Variants in PTCD2 observed in about 807,000 individuals in gnomAD.
PTCD2 encodes the protein pentatricopeptide repeat domain 2, also known as pentatricopeptide repeat-containing protein 2, mitochondrial.
Under a neutral mutation model 42.6 loss-of-function variants are expected in PTCD2, and 31 were observed. The observed-to-expected ratio is 0.73, with a 90% CI of 0.55 to 0.98. PTCD2 has a LOEUF of 0.98. Ranked by LOEUF, PTCD2 falls within the 50% of genes least tolerant of loss-of-function variation. The probability of loss-of-function intolerance (pLI) is 0.00; values close to 1 mark genes in which losing one functional copy is unlikely to be tolerated. For synonymous variants in PTCD2, 183 were observed against 170.9 expected, an observed-to-expected ratio of 1.07 and a Z score of -0.55; for missense variants, 476 against 454.8, an observed-to-expected ratio of 1.05 and a Z score of -0.42.
intron 9 of PTCD2, among the ~76,000 whole-genome samples, chr5:72,353,818 T>A (rs998609485): frequency 3.9e-5 from 6 of 152,214 alleles, no homozygotes; most frequent in Non-Finnish European, 5.9e-5. Flanking sequence ...TACAGTTGTA[T>A]ATATTCTTAT....
chr5:72,357,736 T>A (rs1482738805), intron 9 of PTCD2, among the ~76,000 whole-genome samples: 1 of 152,186 alleles, frequency 6.6e-6, no homozygotes, highest in East Asian at 1.9e-4. Flanking sequence ...TAGGTATGAT[T>A]TTCAAGTACT....
chr5:72,359,952 C>T lies in PTCD2; in HGVS notation c.*1525C>T, dbSNP rs560440904. On this transcript the variant is annotated 3_prime_UTR_variant, in exon 10 of 10. Transcript: ENST00000380639. ...GGTAAATGGGGATAATGGTACCGAC[C>T]TCTTAGGCTTGGTGTGAGGATGAAA... 1.3e-5 allele frequency: 2 copies of T among 151,942 alleles called. No individual in the cohort carries two copies. The highest frequency in any genetic ancestry group is 1.9e-4 in the East Asian group (1 of 5,158). 9.4% of individuals were successfully genotyped at this position (151,942 alleles called of 1,614,324 possible).
intron 2 of PTCD2, among the ~76,000 whole-genome samples, chr5:72,324,382 C>T (rs1216619611): frequency 6.6e-6 from 1 of 152,232 alleles, no homozygotes; most frequent in Non-Finnish European, 1.5e-5. Flanking sequence ...TCTCTGGCAT[C>T]CTGGCTCTCC....
In PTCD2 at chr5:72,326,683, T is replaced by G. The variant is rs763622292; in HGVS notation, c.292T>G (p.Leu98Val). 11 of 1,614,098 alleles carry G rather than the reference T, an allele frequency of 6.8e-6. No homozygotes were observed. The highest frequency in any genetic ancestry group is 8.5e-6 in the Non-Finnish European group (10 of 1,179,946). ...KLILKGELIT[L>V]LHLCESRDHV... Reference sequence around the variant, plus strand: ...CATCTTGAAGGGGGAGTTGATAACCTTACTACATTTGTGTGAGTCTCGGGA... The same window carrying G: ...CATCTTGAAGGGGGAGTTGATAACCGTACTACATTTGTGTGAGTCTCGGGA... The change falls in exon 3 of 10, where the codon TTA becomes GTA. Residue 98 changes from leucine (L) to valine (V), a missense_variant. Coordinates refer to ENST00000380639, the MANE Select transcript of PTCD2 (RefSeq NM_024754.5).
At chr5:72,330,131 G>A (rs1174877997) in intron 3 of PTCD2, among the ~76,000 whole-genome samples, 4 of 150,924 alleles carry the variant, frequency 2.7e-5, no homozygotes, top group South Asian at 2.1e-4. Flanking sequence ...CAGTAGAGAC[G>A]GGGTTTCACC....
At chr5:72,332,365 G>GT (rs982314114) in intron 4 of PTCD2, among the ~76,000 whole-genome samples, 32 of 150,576 alleles carry the variant, frequency 2.1e-4, no homozygotes, top group East Asian at 1.7e-3. Flanking sequence ...GTTTGATCCT[G>GT]TTTTTTTTTG....
rs561336426 is a variant in PTCD2, at chr5:72,366,483, A to G, written c.*8056A>G. Reference sequence around the variant, plus strand: ...GCCTGCCCAAGTGCTGGCTGTGTGCATGTATTCTCAATAATCCCTGGCCAA... The same window carrying G: ...GCCTGCCCAAGTGCTGGCTGTGTGCGTGTATTCTCAATAATCCCTGGCCAA... On this transcript the variant is annotated 3_prime_UTR_variant, in exon 10 of 10. Transcript: ENST00000380639. 381 of 152,366 alleles carry G rather than the reference A, an allele frequency of 2.5e-3. 1 individual carries two copies. The highest frequency in any genetic ancestry group is 8.8e-3 in the African/African-American group (364 of 41,582). 9.4% of individuals were successfully genotyped at this position (152,366 alleles called of 1,614,324 possible). A position where few individuals can be genotyped will look rare whatever the true frequency, so the allele number is the denominator to read the frequency against.
chr5:72,333,659 G>A (rs1446653949), intron 4 of PTCD2, among the ~76,000 whole-genome samples: 1 of 152,144 alleles, frequency 6.6e-6, no homozygotes, highest in Non-Finnish European at 1.5e-5. Flanking sequence ...CAGTAAGATG[G>A]AATAAGTTCA....
intron 3 of PTCD2, among the ~76,000 whole-genome samples, chr5:72,330,236 G>A (rs550266535): frequency 1.8e-4 from 28 of 151,982 alleles, no homozygotes; most frequent in African/African-American, 5.5e-4. Context: ...CACTGTGCCC[G>A]GCCTATTTGT....
chr5:72,320,584 C>A (rs1325128076), intron 1 of PTCD2, 75 bp downstream of exon 1: 2 of 1,591,750 alleles, frequency 1.3e-6, no homozygotes, highest in South Asian at 2.2e-5. Flanking sequence ...GCTAGCATCT[C>A]TGTGGAGCAG....
chr5:72,358,502 A>G lies in PTCD2; in HGVS notation c.*75A>G. 2.8e-6 allele frequency: 3 copies of G among 1,067,326 alleles called. No homozygotes were observed. The South Asian group carries it at 4.1e-5, about 15-fold the overall frequency. 66.1% of individuals were successfully genotyped at this position (1,067,326 alleles called of 1,614,324 possible). ...TATTACCTTTCCTAAGAAGCCAGGTATCGCACTTCAGCAGACAGTGTGCTG... is the reference window on the plus strand; with the variant it reads ...TATTACCTTTCCTAAGAAGCCAGGTGTCGCACTTCAGCAGACAGTGTGCTG... On this transcript the variant is annotated 3_prime_UTR_variant, in exon 10 of 10. Transcript: ENST00000380639.
At chr5:72,347,069 C>T (rs1267574558) in intron 8 of PTCD2, among the ~76,000 whole-genome samples, 2 of 152,062 alleles carry the variant, frequency 1.3e-5, no homozygotes, top group Admixed American at 1.3e-4. Flanking sequence ...AATTTTTCTC[C>T]ACATTATAGA....
intron 4 of PTCD2, among the ~76,000 whole-genome samples, chr5:72,332,608 A>G (rs1279685820): frequency 6.6e-6 from 1 of 152,108 alleles, no homozygotes; most frequent in Non-Finnish European, 1.5e-5. Flanking sequence ...AGCCATGAGT[A>G]TGGTGATAAA....
intron 8 of PTCD2, among the ~76,000 whole-genome samples, chr5:72,344,490 G>A (rs553647426): frequency 3.9e-5 from 6 of 152,116 alleles, no homozygotes; most frequent in African/African-American, 1.4e-4. Context: ...TCCAGCCTTG[G>A]CGACAGAGCA....
intron 9 of PTCD2, among the ~76,000 whole-genome samples, chr5:72,353,580 AG>A (rs1262275907): frequency 6.6e-6 from 1 of 152,238 alleles, no homozygotes; most frequent in African/African-American, 2.4e-5. Context: ...AGGGGCAGTA[AG>A]AGTTGCTAGG....
chr5:72,341,394 T>A (rs1752054389), intron 7 of PTCD2, among the ~76,000 whole-genome samples: 1 of 152,120 alleles, frequency 6.6e-6, no homozygotes, highest in Non-Finnish European at 1.5e-5. Flanking sequence ...AAAAATATCA[T>A]CTTTATGAGT....
At chr5:72,328,256 G>A (rs565869505) in intron 3 of PTCD2, among the ~76,000 whole-genome samples, 2 of 152,360 alleles carry the variant, frequency 1.3e-5, no homozygotes, top group South Asian at 4.1e-4. Context: ...TCTGCAGTCA[G>A]CTGGTAGCTG....
chr5:72,334,296 A>G (rs1751606426), intron 4 of PTCD2, among the ~76,000 whole-genome samples: 1 of 152,238 alleles, frequency 6.6e-6, no homozygotes, highest in African/African-American at 2.4e-5. Flanking sequence ...CCGTTGCCAA[A>G]AAAAGACCAT....
At chr5:72,358,031 C>A (rs1033781599) in intron 9 of PTCD2, among the ~76,000 whole-genome samples, 172 bp from the exon 10 acceptor site, 1 of 152,138 alleles carries the variant, frequency 6.6e-6, no homozygotes, top group African/African-American at 2.4e-5. Flanking sequence ...AAATCCTGTG[C>A]TCAAGCAGTC....
Sources: gnomAD v4.1 joint callset for allele counts (sites outside exome capture counted in the v4.1 genomes callset) on GRCh38, gnomAD v4.1.1 for gene constraint, MANE v1.5 for transcripts, NCBI Gene and HGNC (gene_info 2026-07-23, HGNC 2026-07-21) for gene names.